The following PDS5B variants were observed in gnomAD, a reference collection of about 807,000 sequenced individuals.
The protein encoded by PDS5B is PDS5 cohesin associated factor B.
In PDS5B, 51 loss-of-function variants were observed where a neutral mutation model predicts 184.1. The observed-to-expected ratio is 0.28, with a 90% CI of 0.22 to 0.35. The LOEUF (loss-of-function observed/expected upper bound fraction) is 0.35, where lower values mean the gene tolerates loss of function less well. PDS5B is among the 10% of genes least tolerant of loss of function. The pLI, the probability that PDS5B is intolerant of heterozygous loss-of-function variation, is 1.00. For missense variants in PDS5B, 1,180 were observed against 1,723.3 expected, an observed-to-expected ratio of 0.68 and a Z score of 5.58; for synonymous variants, 566 against 569.2, an observed-to-expected ratio of 0.99 and a Z score of 0.08.
intron 1 of PDS5B, among the ~76,000 whole-genome samples, chr13:32,618,957 T>G (rs2058256555): frequency 6.6e-6 from 1 of 152,234 alleles, no homozygotes; most frequent in Admixed American, 6.5e-5. Flanking sequence ...TAGTCAAGTT[T>G]CCATATACAT....
rs780334187 is a variant in PDS5B, at chr13:32,759,968, C to CT, written c.3372+288dup. On this transcript the variant is annotated intron_variant, in intron 29 of 34. Coordinates refer to ENST00000315596, the MANE Select transcript of PDS5B (RefSeq NM_015032.4). ...TCAAGATAAAAAAAATCTTAAAAGGCTTTTTTTTTTGAGACGGAGTCTCTG... is the reference window on the plus strand; with the variant it reads ...TCAAGATAAAAAAAATCTTAAAAGGCTTTTTTTTTTTGAGACGGAGTCTCTG... Among the ~76,000 whole-genome samples, 286 of 147,896 alleles carry CT rather than the reference C, an allele frequency of 1.9e-3. 2 individuals are homozygous for CT. The highest frequency in any genetic ancestry group is 0.016 in the East Asian group (82 of 5,052).
At chr13:32,609,324 T>A (rs891015138) in intron 1 of PDS5B, among the ~76,000 whole-genome samples, 80 of 152,208 alleles carry the variant, frequency 5.3e-4, no homozygotes, top group African/African-American at 1.8e-3. Flanking sequence ...GAGAAAAGAA[T>A]AAATTGGTTA....
At chr13:32,649,475 A>G (rs1950313968) in intron 2 of PDS5B, 1 of 152,194 alleles carries the variant, frequency 6.6e-6, no homozygotes, top group South Asian at 2.1e-4. Context: ...TTCAAGGAGA[A>G]TGTTAAGCTG....
At chr13:32,658,604 A>G (rs946537881) in intron 5 of PDS5B, 73 bp downstream of exon 5, 3 of 689,476 alleles carry the variant, frequency 4.4e-6, no homozygotes, top group East Asian at 5.5e-5. Context: ...GAATCTGCAT[A>G]AACTGTTACA....
chr13:32,606,549 A>G (rs1194229403), intron 1 of PDS5B, among the ~76,000 whole-genome samples: 1 of 152,044 alleles, frequency 6.6e-6, no homozygotes, highest in African/African-American at 2.4e-5. Context: ...TGTGTGTTGG[A>G]GTTGCCCTTC....
chr13:32,732,309 G>T, intron 20 of PDS5B, 85 bp downstream of exon 20: 1 of 870,756 alleles, frequency 1.1e-6, no homozygotes, highest in Admixed American at 2.6e-5. Flanking sequence ...GTTCACATTT[G>T]GTGATGCATC....
intron 19 of PDS5B, among the ~76,000 whole-genome samples, chr13:32,725,241 G>A (rs1952857236): frequency 6.6e-6 from 1 of 152,166 alleles, no homozygotes; most frequent in Admixed American, 6.5e-5. Context: ...GTCCTCCAAA[G>A]GTGACCAGTT....
chr13:32,726,466 G>A (rs1952904656), intron 19 of PDS5B, among the ~76,000 whole-genome samples: 1 of 152,156 alleles, frequency 6.6e-6, no homozygotes, highest in Non-Finnish European at 1.5e-5. Flanking sequence ...AGAAATAGAA[G>A]AGTAAATGCA....
chr13:32,597,490 C>T (rs1344258967), intron 1 of PDS5B, among the ~76,000 whole-genome samples: 2 of 151,394 alleles, frequency 1.3e-5, no homozygotes, highest in Admixed American at 6.6e-5. Context: ...CCCAGGAGTT[C>T]GAGTCCAGCC....
chr13:32,633,143 C>A (rs1002149246), intron 1 of PDS5B, among the ~76,000 whole-genome samples: 2 of 152,060 alleles, frequency 1.3e-5, no homozygotes, highest in African/African-American at 4.8e-5. Flanking sequence ...GTAGAAGTTA[C>A]CAGGGGCTGG....
rs114642009 is a variant in PDS5B, at chr13:32,663,833, G to C, written c.625-3931G>C. On this transcript the variant is annotated intron_variant, in intron 6 of 34. Transcript: ENST00000315596. ...CCCTGTCACCTGAGAAGTGTACATT[G>C]TACCCAATGTGTACACAATGTGTTT... Among the ~76,000 whole-genome samples, 933 of 152,276 alleles carry C rather than the reference G, an allele frequency of 6.1e-3. 17 individuals carry two copies. The highest frequency in any genetic ancestry group is 0.022 in the African/African-American group (900 of 41,560).
chr13:32,658,390 TAATC>T, intron 4 of PDS5B, 40 bp from the exon 5 acceptor site: 1 of 1,424,928 alleles, frequency 7.0e-7, no homozygotes, highest in Middle Eastern at 2.0e-4. Context: ...ATATTTTTAA[TAATC>T]AAAATGCTTA....
At chr13:32,645,315 G>A (rs1348378899) in intron 1 of PDS5B, among the ~76,000 whole-genome samples, 2 of 152,146 alleles carry the variant, frequency 1.3e-5, no homozygotes, top group African/African-American at 2.4e-5. Flanking sequence ...TGTTGTCAGA[G>A]TTATGCTAAT....
At chr13:32,684,224 A>G (rs1951325023) in intron 11 of PDS5B, among the ~76,000 whole-genome samples, 1 of 152,126 alleles carries the variant, frequency 6.6e-6, no homozygotes, top group South Asian at 2.1e-4. Context: ...TTCATTAAAG[A>G]TATTTGTTCT....
rs1954521395 is a variant in PDS5B at position 32,764,538 on chromosome 13, T to G, written c.3568T>G (p.Ser1190Ala). Residue 1190 changes from serine to alanine, a missense_variant, in exon 31 of 35, where the codon TCT (serine) becomes GCT (alanine). Ser to Ala is a moderately conservative substitution (Grantham distance 99). Transcript: ENST00000315596. ...CAGTGAAAATGAAGATTACACAATGTCTTCACCTTTGCCGGGGAAAAAAAG... is the reference window on the plus strand; with the variant it reads ...CAGTGAAAATGAAGATTACACAATGGCTTCACCTTTGCCGGGGAAAAAAAG... ...DHSENEDYTM[S>A]SPLPGKKSDK... is the part of the protein sequence containing the mutation. 1 of 1,607,716 alleles carries G rather than the reference T, an allele frequency of 6.2e-7. No individual in the cohort carries two copies. The highest frequency in any genetic ancestry group is 1.3e-5 in the African/African-American group (1 of 74,770).
intron 23 of PDS5B, among the ~76,000 whole-genome samples, chr13:32,744,068 C>T (rs374412763): frequency 6.6e-6 from 1 of 152,030 alleles, no homozygotes; most frequent in Non-Finnish European, 1.5e-5. Context: ...TGGTGGTTTA[C>T]AACATTCAGG....
At chr13:32,700,151 A>G (rs1000709729) in intron 16 of PDS5B, among the ~76,000 whole-genome samples, 11 of 152,142 alleles carry the variant, frequency 7.2e-5, no homozygotes, top group Admixed American at 1.3e-4. Context: ...TACATGTACT[A>G]TAATTTGTTG....
intron 1 of PDS5B, among the ~76,000 whole-genome samples, chr13:32,614,199 T>C (rs1343559093): frequency 2.6e-5 from 4 of 152,234 alleles, no homozygotes; most frequent in African/African-American, 7.2e-5. Context: ...AAGTTTCATT[T>C]GCCTATTTTG....
chr13:32,769,189 C>CAA (rs1222872683), intron 31 of PDS5B, among the ~76,000 whole-genome samples: 3 of 151,746 alleles, frequency 2.0e-5, no homozygotes, highest in African/African-American at 7.3e-5. Flanking sequence ...GAGGCATACA[C>CAA]AAAAGCATAG....
Sources: allele counts gnomAD v4.1 joint callset (sites outside exome capture counted in the v4.1 genomes callset), GRCh38; gene constraint gnomAD v4.1.1; transcripts MANE v1.5; gene names NCBI Gene and HGNC (gene_info 2026-07-23, HGNC 2026-07-21).